Variants in KCNH5 observed in about 807,000 individuals in gnomAD.
KCNH5 encodes voltage-gated delayed rectifier potassium channel KCNH5.
In KCNH5, 46 loss-of-function variants were observed where a neutral mutation model predicts 96.1. That is an observed-to-expected ratio of 0.48 (90% confidence interval 0.38 to 0.61). The LOEUF is 0.61. KCNH5 is among the 20% of genes least tolerant of loss of function. The pLI is 0.00. For missense variants in KCNH5, 907 were observed against 1,225.8 expected (o/e 0.74, Z 3.88); for synonymous variants, 439 against 449.8 (o/e 0.98, Z 0.30).
At chr14:63,021,551 A>G (rs1891427909) in intron 1 of KCNH5, among the ~76,000 whole-genome samples, 1 of 152,028 alleles carries the variant, frequency 6.6e-6, no homozygotes, top group Non-Finnish European at 1.5e-5. Flanking sequence ...CACTCAGCCT[A>G]CATCTCCTCT....
chr14:62,746,235 T>C (rs1326464054), intron 10 of KCNH5, among the ~76,000 whole-genome samples: 1 of 152,238 alleles, frequency 6.6e-6, no homozygotes, highest in Non-Finnish European at 1.5e-5. Flanking sequence ...TATAAATCCA[T>C]GTAATATCTG....
intron 7 of KCNH5, among the ~76,000 whole-genome samples, chr14:62,853,481 C>A (rs10151186): frequency 3.9e-4 from 16 of 41,318 alleles, no homozygotes; most frequent in South Asian, 1.2e-3. Context: ...ATATATATAT[C>A]ATATATATAT....
intron 10 of KCNH5, among the ~76,000 whole-genome samples, chr14:62,721,354 T>G (rs931920136): frequency 2.0e-5 from 3 of 152,224 alleles, no homozygotes; most frequent in African/African-American, 7.2e-5. Context: ...TCTCAAAAAC[T>G]TTAGTAAGCT....
chr14:62,835,147 T>G (rs1479054135), intron 8 of KCNH5, among the ~76,000 whole-genome samples: 1 of 152,012 alleles, frequency 6.6e-6, no homozygotes, highest in African/African-American at 2.4e-5. Context: ...ACTCGAAAGC[T>G]CAATACAACC....
intron 6 of KCNH5, among the ~76,000 whole-genome samples, chr14:62,961,370 T>A (rs1394668974): frequency 2.0e-5 from 3 of 152,160 alleles, no homozygotes; most frequent in Non-Finnish European, 4.4e-5. Flanking sequence ...CCACCAACCG[T>A]TTCTTTTGTC....
intron 7 of KCNH5, among the ~76,000 whole-genome samples, chr14:62,858,092 A>G (rs1387267672): frequency 6.6e-6 from 1 of 152,180 alleles, no homozygotes; most frequent in Non-Finnish European, 1.5e-5. Context: ...AAATGAAGAT[A>G]TTTTCTTAGT....
intron 2 of KCNH5, among the ~76,000 whole-genome samples, chr14:63,015,942 T>C (rs1178630450): frequency 6.6e-6 from 1 of 151,462 alleles, no homozygotes; most frequent in Admixed American, 6.6e-5. Context: ...TATATATGTA[T>C]ATATATAATG....
intron 6 of KCNH5, among the ~76,000 whole-genome samples, chr14:62,952,375 G>T (rs189427138): frequency 6.6e-6 from 1 of 152,120 alleles, no homozygotes; most frequent in African/African-American, 2.4e-5. Flanking sequence ...TTCAAAAATG[G>T]AACAGTGCAG....
At chr14:62,992,253 A>G (rs1406642577) in intron 4 of KCNH5, among the ~76,000 whole-genome samples, 3 of 152,038 alleles carry the variant, frequency 2.0e-5, no homozygotes, top group Admixed American at 6.6e-5. Context: ...GATTGATTCT[A>G]TCTTTGCAAT....
chr14:62,729,095 T>C (rs182525453), intron 10 of KCNH5, among the ~76,000 whole-genome samples: 293 of 152,300 alleles, frequency 1.9e-3, no homozygotes, highest in Middle Eastern at 6.8e-3. Context: ...CCCAAGGCTA[T>C]GTAACCCCCA....
intron 7 of KCNH5, among the ~76,000 whole-genome samples, chr14:62,897,104 T>G (rs1888829176): frequency 2.0e-5 from 3 of 152,180 alleles, no homozygotes; most frequent in Admixed American, 1.3e-4. Context: ...ATCACTAAAT[T>G]GTGTTATGGT....
chr14:62,978,639 T>C (rs1890548297), intron 6 of KCNH5, among the ~76,000 whole-genome samples: 1 of 151,458 alleles, frequency 6.6e-6, no homozygotes, highest in African/African-American at 2.4e-5. Context: ...TTACTTTGCA[T>C]TTCTTGAATA....
rs201993660 is a variant in KCNH5, at chr14:62,726,611, G to GA, written c.2020-18157dup. 3.2e-3 allele frequency among the ~76,000 whole-genome samples: 462 copies of GA among 144,450 alleles called. 2 individuals carry two copies. Among genetic ancestry groups the GA allele is most frequent in the African/African-American group, 7.9e-3 (315 of 39,792 alleles). 94.8% of individuals were successfully genotyped at this position (144,450 alleles called of 152,430 possible). A position where few individuals can be genotyped will look rare whatever the true frequency, so the allele number is the denominator to read the frequency against. ...ACACACTCATCAGGATGGCTAAAATGAAAAAAAAAAATAGAAAAACGGAAC... is the reference window on the plus strand; with the variant it reads ...ACACACTCATCAGGATGGCTAAAATGAAAAAAAAAAAATAGAAAAACGGAAC... On this transcript the variant is annotated intron_variant, in intron 10 of 10. Coordinates refer to ENST00000322893, the MANE Select transcript of KCNH5 (RefSeq NM_139318.5).
intron 7 of KCNH5, among the ~76,000 whole-genome samples, chr14:62,906,008 C>T (rs937067687): frequency 6.6e-6 from 1 of 152,206 alleles, no homozygotes; most frequent in African/African-American, 2.4e-5. Context: ...AAAGGTAGCA[C>T]ATCTAAGGTA....
chr14:62,884,788 T>C (rs978640408), intron 7 of KCNH5, among the ~76,000 whole-genome samples: 2 of 152,170 alleles, frequency 1.3e-5, no homozygotes, highest in African/African-American at 4.8e-5. Context: ...GTGGAAAATA[T>C]TAAAGATGAA....
chr14:62,765,266 A>G (rs1119879), intron 10 of KCNH5, among the ~76,000 whole-genome samples: 75,044 of 152,006 alleles, frequency 0.49, 20,518 homozygotes, highest in South Asian at 0.79. Flanking sequence ...AAAACAAGCA[A>G]TAGGAAAAGG....
chr14:63,029,290 G>A (rs1007430674), intron 1 of KCNH5, among the ~76,000 whole-genome samples: 2 of 151,972 alleles, frequency 1.3e-5, no homozygotes, highest in Admixed American at 6.6e-5. Flanking sequence ...TCCCTTCTCC[G>A]TACCACCAAG....
chr14:62,768,634 A>T (rs544008645), intron 10 of KCNH5, among the ~76,000 whole-genome samples: 4 of 152,320 alleles, frequency 2.6e-5, no homozygotes, highest in South Asian at 2.1e-4. Flanking sequence ...ATCTTTTTAC[A>T]TTATGTTGGT....
intron 3 of KCNH5, among the ~76,000 whole-genome samples, 185 bp downstream of exon 3, chr14:63,006,181 G>T (rs997390930): frequency 1.3e-5 from 2 of 151,926 alleles, no homozygotes; most frequent in African/African-American, 4.8e-5. Flanking sequence ...TCCTCAAAAG[G>T]TTACTTTCCA....
Sources: allele counts gnomAD v4.1 joint callset (sites outside exome capture counted in the v4.1 genomes callset), GRCh38; gene constraint gnomAD v4.1.1; transcripts MANE v1.5; gene names NCBI Gene and HGNC (gene_info 2026-07-23, HGNC 2026-07-21).